Variants in SLC5A11 observed in about 807,000 individuals in gnomAD.
The protein encoded by SLC5A11 is solute carrier family 5 member 11, also known as sodium/myo-inositol cotransporter 2.
In SLC5A11, 48 loss-of-function variants were observed where a neutral mutation model predicts 69.8. That is an observed-to-expected ratio of 0.69 (90% confidence interval 0.55 to 0.87). The LOEUF is 0.87. Ranked by LOEUF, SLC5A11 falls within the 40% of genes least tolerant of loss-of-function variation. The pLI is 0.00. For synonymous variants in SLC5A11, 319 were observed against 342.4 expected (o/e 0.93, Z 0.75); for missense variants, 784 against 866.1 (o/e 0.91, Z 1.19).
chr16:24,862,977 A>AT (rs2046683135), intron 3 of SLC5A11, among the ~76,000 whole-genome samples: 2 of 134,610 alleles, frequency 1.5e-5, no homozygotes, highest in Non-Finnish European at 3.0e-5. Flanking sequence ...TATAATATAT[A>AT]ATTATATAAT....
At chr16:24,886,128 G>A (rs369698206) in intron 8 of SLC5A11, among the ~76,000 whole-genome samples, 1 of 150,700 alleles carries the variant, frequency 6.6e-6, no homozygotes, top group African/African-American at 2.4e-5. Flanking sequence ...TCCACCTCCC[G>A]GGTTCAAGCG....
rs776679580 is a variant in SLC5A11, at chr16:24,908,085, C to T, written c.1388C>T (p.Ala463Val). ...AGCTCCTACCTGCAGCCGCCTGTGG[C>T]GGTGGTCTTCATCATGGGATGTTTC... The change falls in exon 13 of 16, where the codon GCG (alanine) becomes GTG (valine). Residue 463 changes from alanine to valine, a missense_variant. Around this residue, in one of 3 missense-constraint regions of SLC5A11, gnomAD observed 550 missense variants for 606.4 expected, o/e 0.91. Coordinates refer to ENST00000347898, the Ensembl canonical transcript of SLC5A11. 29 of 1,607,692 alleles carry T rather than the reference C, an allele frequency of 1.8e-5. No homozygotes were observed. In the East Asian group the frequency reaches 5.4e-4, roughly 30 times the overall value.
At chr16:24,877,477 C>T (rs2047749616) in intron 7 of SLC5A11, 114 bp downstream of exon 8, 4 of 719,164 alleles carry the variant, frequency 5.6e-6, no homozygotes, top group Admixed American at 2.3e-5. Flanking sequence ...CCCATTTATT[C>T]ATTAAACGTC....
intron 3 of SLC5A11, 26 bp from the exon 5 acceptor site, chr16:24,869,875 G>T (rs754062732): frequency 1.1e-5 from 17 of 1,557,746 alleles, no homozygotes; most frequent in Non-Finnish European, 1.4e-5. Context: ...TTGTCTCCAA[G>T]ATCTGACCCG....
chr16:24,870,063 C>A, intron 4 of SLC5A11, 58 bp downstream of exon 5: 3 of 1,253,996 alleles, frequency 2.4e-6, no homozygotes, highest in South Asian at 2.5e-5. Flanking sequence ...AGGTAGATCT[C>A]AGGGGAAAGT....
rs2050425733 is a variant in SLC5A11 at position 24,910,404 on chromosome 16, G to A, written c.1749G>A (p.Gly583=). Reference sequence around the variant, plus strand: ...TGTCTCTTACCCTCTCTCAGAACGGGATGCCAGAGGCCAGCAGCAGCAGCA... The same window carrying A: ...TGTCTCTTACCCTCTCTCAGAACGGAATGCCAGAGGCCAGCAGCAGCAGCA... Residue 583 remains glycine (G), a synonymous_variant, in exon 15 of 16, where the codon GGG becomes GGA. Coordinates refer to ENST00000347898, the Ensembl canonical transcript of SLC5A11. The A allele has an allele frequency of 2.5e-6, 4 of 1,614,132 alleles. No individual in the cohort carries two copies. The Middle Eastern group carries it at 4.9e-4, about 200-fold the overall frequency.
chr16:24,896,572 A>G (rs1474700810), intron 9 of SLC5A11, among the ~76,000 whole-genome samples: 1 of 152,180 alleles, frequency 6.6e-6, no homozygotes, highest in Admixed American at 6.6e-5. Context: ...AGCAACTAAT[A>G]TTTATGAAGC....
At chr16:24,905,269 C>CAAAAAAAAAA (rs34703027) in intron 10 of SLC5A11, among the ~76,000 whole-genome samples, 4 of 80,426 alleles carry the variant, frequency 5.0e-5, no homozygotes, top group Non-Finnish European at 6.5e-5. Flanking sequence ...ACTAAAAATA[C>CAAAAAAAAAA]AAAAAAAAAA....
chr16:24,908,254 G>A, intron 13 of SLC5A11, 123 bp downstream of exon 14: 2 of 1,121,738 alleles, frequency 1.8e-6, no homozygotes, highest in Non-Finnish European at 2.5e-6. Flanking sequence ...GAGGGAGGGT[G>A]AGTTCCATTG....
At chr16:24,905,910 G>GAGT (rs150186367) in intron 10 of SLC5A11, among the ~76,000 whole-genome samples, 2,305 of 152,224 alleles carry the variant, frequency 0.015, 66 homozygotes, top group African/African-American at 0.053. Flanking sequence ...TGCAGCTCCT[G>GAGT]AGTCATAGTA....
rs753805429 is a variant in SLC5A11 at position 24,850,812 on chromosome 16, G to GT, written c.-25+4386dup. Among the ~76,000 whole-genome samples, 188 of 145,288 alleles carry GT rather than the reference G, an allele frequency of 1.3e-3. 1 individual carries two copies. Among genetic ancestry groups the GT allele is most frequent in the Middle Eastern group, 3.5e-3 (1 of 284 alleles). ...GTTTGCCTAACCACAAAGTTTATTC[G>GT]TTTTTTTTTTTTCTTTAAGACAGAG... On this transcript the variant is annotated intron_variant, in intron 1 of 15. Coordinates refer to ENST00000347898, the Ensembl canonical transcript of SLC5A11.
At chr16:24,890,695 A>C (rs2048734641) in intron 8 of SLC5A11, among the ~76,000 whole-genome samples, 174 bp from the exon 10 acceptor site, 1 of 152,046 alleles carries the variant, frequency 6.6e-6, no homozygotes, top group Admixed American at 6.6e-5. Flanking sequence ...TAAAACTCTA[A>C]TATTAATTTT....
At chr16:24,888,776 G>GCTCGC (rs1163280141) in intron 8 of SLC5A11, among the ~76,000 whole-genome samples, 4 of 134,374 alleles carry the variant, frequency 3.0e-5, no homozygotes, top group Non-Finnish European at 4.7e-5. Context: ...GAGCCACCGT[G>GCTCGC]CCTGTCCTTT....
At chr16:24,872,321 G>A in intron 5 of SLC5A11, 102 bp downstream of exon 6, 2 of 1,378,604 alleles carry the variant, frequency 1.5e-6, no homozygotes, top group South Asian at 1.2e-5. Flanking sequence ...TCCTGCCCAT[G>A]GTCATGTATT....
chr16:24,888,010 A>G (rs2048496807), intron 8 of SLC5A11, among the ~76,000 whole-genome samples: 2 of 152,200 alleles, frequency 1.3e-5, no homozygotes, highest in African/African-American at 4.8e-5. Context: ...ATAGTTTAAC[A>G]GAACAAGAAC....
intron 10 of SLC5A11, among the ~76,000 whole-genome samples, chr16:24,902,611 G>A (rs963401081): frequency 6.7e-6 from 1 of 148,814 alleles, no homozygotes; most frequent in African/African-American, 2.5e-5. Flanking sequence ...GCAATGGTGC[G>A]ATCTCCACTC....
At chr16:24,897,864 C>T (rs911504075) in intron 9 of SLC5A11, 110 bp from the exon 11 acceptor site, 3 of 1,430,946 alleles carry the variant, frequency 2.1e-6, no homozygotes, top group Non-Finnish European at 2.9e-6. Context: ...CTGACTCCCT[C>T]CCACAACATG....
chr16:24,907,670 G>C (rs1167050773), intron 12 of SLC5A11, among the ~76,000 whole-genome samples: 2 of 151,486 alleles, frequency 1.3e-5, no homozygotes, highest in Non-Finnish European at 2.9e-5. Flanking sequence ...ATGACGCACT[G>C]CACTCCCGCC....
intron 1 of SLC5A11, among the ~76,000 whole-genome samples, chr16:24,848,262 C>G (rs1458065483): frequency 6.6e-6 from 1 of 152,144 alleles, no homozygotes; most frequent in Non-Finnish European, 1.5e-5. Context: ...GGAAAATGAT[C>G]TGATCTGACT....
Sources: allele counts gnomAD v4.1 joint callset (sites outside exome capture counted in the v4.1 genomes callset), GRCh38; gene constraint gnomAD v4.1.1; regional missense constraint gnomAD v4.1.1; transcripts MANE v1.5; gene names NCBI Gene and HGNC (gene_info 2026-07-23, HGNC 2026-07-21).